Variants in DNAAF9 observed in about 807,000 individuals in gnomAD.
DNAAF9 encodes the protein shulin.
In DNAAF9, 90 loss-of-function variants were observed where a neutral mutation model predicts 167.0. The ratio of observed to expected loss-of-function variants is 0.54; its 90% CI spans 0.45 to 0.64. DNAAF9 has a LOEUF of 0.64. DNAAF9 is among the 30% of genes least tolerant of loss of function. The probability of loss-of-function intolerance (pLI) is 0.00; values close to 1 mark genes in which losing one functional copy is unlikely to be tolerated. For missense variants in DNAAF9, 1,315 were observed against 1,442.2 expected, an observed-to-expected ratio of 0.91 and a Z score of 1.43; for synonymous variants, 491 against 508.8, an observed-to-expected ratio of 0.96 and a Z score of 0.47.
intron 2 of DNAAF9, 106 bp downstream of exon 2, chr20:3,382,321 C>T: frequency 3.6e-6 from 3 of 838,150 alleles, no homozygotes; most frequent in Non-Finnish European, 6.0e-6. Flanking sequence ...TAGGAGGACA[C>T]CAACTCACAG....
chr20:3,300,793 C>T (rs1278986139), intron 21 of DNAAF9, among the ~76,000 whole-genome samples: 1 of 149,746 alleles, frequency 6.7e-6, no homozygotes, highest in Non-Finnish European at 1.5e-5. Context: ...ATCCACCTGC[C>T]TTGGCCTCCC....
At chr20:3,272,618 C>G (rs1043080314) in intron 29 of DNAAF9, among the ~76,000 whole-genome samples, 1 of 152,148 alleles carries the variant, frequency 6.6e-6, no homozygotes, top group African/African-American at 2.4e-5. Context: ...TAGCTTTAAA[C>G]TTTATCAATC....
At chr20:3,336,829 C>T (rs1010519615) in intron 10 of DNAAF9, among the ~76,000 whole-genome samples, 2 of 151,930 alleles carry the variant, frequency 1.3e-5, no homozygotes, top group African/African-American at 4.8e-5. Context: ...AGTTGTAAGC[C>T]ACCGCGCCTG....
chr20:3,290,864 C>T (rs1445179357), intron 25 of DNAAF9, among the ~76,000 whole-genome samples: 2 of 151,070 alleles, frequency 1.3e-5, no homozygotes, highest in African/African-American at 4.9e-5. Flanking sequence ...TCTCAGCTCA[C>T]TACAACCTCC....
rs1475903377 is a variant in DNAAF9 at position 3,326,795 on chromosome 20, C to A, written c.1101-511G>T. 1.5e-4 allele frequency among the ~76,000 whole-genome samples: 23 copies of A among 150,866 alleles called. No individual in the cohort carries two copies. In the Admixed American group the frequency reaches 1.5e-3, roughly 10 times the overall value. On this transcript the variant is annotated intron_variant, in intron 12 of 36. Transcript: ENST00000252032. The stretch of plus-strand genomic sequence containing the variant: ...TATCCCTGGTTTGACTTATACTTTG[C>A]TTTTGTTAAATCACCTTAAGGAAAG...
At position 3,318,373 on chromosome 20, in the gene DNAAF9, C is replaced by A; in HGVS notation, c.1384G>T (p.Asp462Tyr). 3 of 1,602,018 alleles carry A rather than the reference C, an allele frequency of 1.9e-6. No homozygotes were observed. In the South Asian group the frequency reaches 3.3e-5, roughly 18 times the overall value. The change falls in exon 17 of 37, where the codon GAC becomes TAC. Residue 462 changes from aspartate to tyrosine, a missense_variant. This residue lies in a region of DNAAF9 where 981 missense variants were observed against 1,012.5 expected (regional missense o/e 0.97). Coordinates refer to ENST00000252032, the MANE Select transcript of DNAAF9 (RefSeq NM_001009984.3). ...TACMAVYDIPDLLGGNGCLGS... is the reference protein window; with the variant it reads ...TACMAVYDIPYLLGGNGCLGS... ...AAACAACCATTGCCTCCCAGTAAGT[C>A]AGGAATGTCATAGACGGCCATACAA...
intron 25 of DNAAF9, among the ~76,000 whole-genome samples, chr20:3,293,324 C>T (rs1382151242): frequency 5.4e-5 from 6 of 111,212 alleles, no homozygotes; most frequent in Admixed American, 2.9e-4. Flanking sequence ...AAAAAAGAGA[C>T]TTATGGTTCT....
At chr20:3,378,731 G>C (rs189963366) in intron 3 of DNAAF9, among the ~76,000 whole-genome samples, 2 of 152,178 alleles carry the variant, frequency 1.3e-5, no homozygotes, top group Non-Finnish European at 2.9e-5. Context: ...ACGTCAAAAG[G>C]GTAATACAGT....
chr20:3,332,161 C>T, intron 11 of DNAAF9, 119 bp downstream of exon 11: 1 of 622,582 alleles, frequency 1.6e-6, no homozygotes, highest in Admixed American at 2.8e-5. Context: ...GAGCTGGAGG[C>T]CCACAAATTG....
chr20:3,265,256 C>T (rs528916923), intron 30 of DNAAF9, among the ~76,000 whole-genome samples: 6 of 152,096 alleles, frequency 3.9e-5, no homozygotes, highest in African/African-American at 1.4e-4. Flanking sequence ...GGGGAGGGTC[C>T]ACGATCCAAT....
chr20:3,252,178 C>T lies in DNAAF9; in HGVS notation c.*394G>A. 6.3e-6 allele frequency: 1 copy of T among 159,062 alleles called. No individual in the cohort carries two copies. The highest frequency in any genetic ancestry group is 1.8e-4 in the South Asian group (1 of 5,444). The allele number at this position is 159,062 out of a possible 1,614,324, so 9.9% of individuals were successfully genotyped here. ...TGAGGCCTGTCGTGGCCTCGCCTCC[C>T]AGACACGGCCACAGTTCAGGCAGCC... On this transcript the variant is annotated 3_prime_UTR_variant, in exon 37 of 37. Coordinates refer to ENST00000252032, the MANE Select transcript of DNAAF9 (RefSeq NM_001009984.3).
intron 29 of DNAAF9, among the ~76,000 whole-genome samples, chr20:3,275,928 C>A (rs748192589): frequency 6.6e-6 from 1 of 152,200 alleles, no homozygotes; most frequent in Non-Finnish European, 1.5e-5. Flanking sequence ...CTTCTATCTA[C>A]AGATGCTTTT....
chr20:3,305,341 G>T (rs534135019), intron 20 of DNAAF9, among the ~76,000 whole-genome samples: 15 of 152,310 alleles, frequency 9.8e-5, no homozygotes, highest in South Asian at 6.2e-4. Context: ...GCTGCTCTCT[G>T]GGGCTGGTCC....
At chr20:3,335,152 A>AT in intron 10 of DNAAF9, among the ~76,000 whole-genome samples, 1 of 152,286 alleles carries the variant, frequency 6.6e-6, no homozygotes, top group South Asian at 2.1e-4. Flanking sequence ...AAAGTATATA[A>AT]TTCTGTGGTA....
chr20:3,340,921 C>T (rs6051761), intron 9 of DNAAF9, among the ~76,000 whole-genome samples: 38,042 of 151,960 alleles, frequency 0.25, 5,364 homozygotes, highest in African/African-American at 0.37. Context: ...GTTCCATAAG[C>T]TTGCTGTCCA....
intron 6 of DNAAF9, among the ~76,000 whole-genome samples, chr20:3,368,347 G>T (rs2083457923): frequency 6.6e-6 from 1 of 152,108 alleles, no homozygotes; most frequent in Non-Finnish European, 1.5e-5. Flanking sequence ...GTCTCTCAGG[G>T]AATCAGGATT....
intron 29 of DNAAF9, among the ~76,000 whole-genome samples, chr20:3,275,814 G>C (rs1422410516): frequency 6.6e-6 from 1 of 152,160 alleles, no homozygotes; most frequent in Non-Finnish European, 1.5e-5. Flanking sequence ...AGACAGCCTG[G>C]CGTATCCTAT....
Position 3,252,617 on chromosome 20 carries a change from C to T in DNAAF9, c.3489G>A (p.Glu1163=). 1 of 1,613,238 alleles carries T rather than the reference C, an allele frequency of 6.2e-7. No homozygotes were observed. The highest frequency in any genetic ancestry group is 8.5e-7 in the Non-Finnish European group (1 of 1,179,156). The change falls in exon 37 of 37, where the codon GAG becomes GAA. Residue 1163 remains glutamate, a synonymous_variant. Transcript: ENST00000252032. ...ANREIEKYNQ[E]LEQQEYHDLF... is the part of the protein sequence containing the mutation. ...GGTCATGATACTCCTGCTGTTCCAG[C>T]TCCTGGTTATACTTCTCAATTTCCC...
chr20:3,390,676 A>G (rs1449641864), intron 1 of DNAAF9, among the ~76,000 whole-genome samples: 2 of 152,126 alleles, frequency 1.3e-5, no homozygotes, highest in African/African-American at 4.8e-5. Flanking sequence ...CTCACATTTT[A>G]TGTATGGTTT....
Sources: allele counts gnomAD v4.1 joint callset (sites outside exome capture counted in the v4.1 genomes callset), GRCh38; gene constraint gnomAD v4.1.1; regional missense constraint gnomAD v4.1.1; transcripts MANE v1.5; gene names NCBI Gene and HGNC (gene_info 2026-07-23, HGNC 2026-07-21).